The following SLC26A4 variants were observed in gnomAD, a reference collection of about 807,000 sequenced individuals.
SLC26A4 encodes pendrin.
SLC26A4 carries 93 observed loss-of-function variants against 90.4 expected under a neutral mutation model. That is an observed-to-expected ratio of 1.03 (90% confidence interval 0.87 to 1.22). The LOEUF (loss-of-function observed/expected upper bound fraction) is 1.22. Among genes scored for constraint, SLC26A4 ranks in the 50% most tolerant of loss-of-function variants. The pLI, the probability that SLC26A4 is intolerant of heterozygous loss-of-function variation, is 0.00. For missense variants in SLC26A4, 1,127 were observed against 946.2 expected (o/e 1.19, Z -2.51); for synonymous variants, 393 against 354.6 (o/e 1.11, Z -1.22).
At chr7:107,662,568 T>C (rs1790590866) in intron 2 of SLC26A4, among the ~76,000 whole-genome samples, 1 of 151,964 alleles carries the variant, frequency 6.6e-6, no homozygotes, top group Middle Eastern at 3.2e-3. Context: ...TAAGCAAATC[T>C]CATATAGCAT....
At chr7:107,694,504 C>A in intron 11 of SLC26A4, 24 bp downstream of exon 11, 3 of 1,584,894 alleles carry the variant, frequency 1.9e-6, no homozygotes, top group South Asian at 2.2e-5. Context: ...TCTCTGCATA[C>A]CGATTGCATA....
rs1249883378 is a variant in SLC26A4, at chr7:107,701,170, A to G, written c.1777A>G (p.Lys593Glu). The part of the protein sequence containing the change: ...KALRKIQKLI[K>E]SGQLRATKNG... ...GCTGAGGAAAATACAGAAACTAATA[A>G]AAAGTGGACAATTAAGAGCAACAAA... is the stretch of plus-strand genomic sequence containing the variant. The change falls in exon 16 of 21, where the codon AAA (lysine) becomes GAA (glutamate). Residue 593 changes from lysine to glutamate, a missense_variant. By Grantham distance (56) the Lys-to-Glu change is moderately conservative (BLOSUM62 1). Transcript: ENST00000644269. 6.2e-7 allele frequency: 1 copy of G among 1,606,862 alleles called. No homozygotes were observed. The highest frequency in any genetic ancestry group is 1.7e-5 in the Admixed American group (1 of 59,996).
chr7:107,687,681 G>A (rs1236157854), intron 8 of SLC26A4, among the ~76,000 whole-genome samples: 1 of 152,158 alleles, frequency 6.6e-6, no homozygotes, highest in African/African-American at 2.4e-5. Flanking sequence ...GGAGAACTAG[G>A]CAGCCAGGCA....
In SLC26A4 at chr7:107,661,271, C is replaced by T; in HGVS notation, c.-3-368C>T. On this transcript the variant is annotated intron_variant, in intron 1 of 20. Transcript: ENST00000644269. This position sits in a 1 kb window ranked among gnomAD's most constrained non-coding sequence, Gnocchi z 5.1. ...CTTGCAAGCGCCTTTGGCCCCTGCCCCAGCCCCTCGGTTTGGGGGAGATTT... is the reference window on the plus strand; with the variant it reads ...CTTGCAAGCGCCTTTGGCCCCTGCCTCAGCCCCTCGGTTTGGGGGAGATTT... 1 of 344,718 alleles carries T rather than the reference C, an allele frequency of 2.9e-6. No homozygotes were observed. The highest frequency in any genetic ancestry group is 5.4e-6 in the Non-Finnish European group (1 of 184,920). The allele number at this position is 344,718 out of a possible 1,614,324, so 21.4% of individuals were successfully genotyped here. A position where few individuals can be genotyped will look rare whatever the true frequency, so the allele number is the denominator to read the frequency against.
intron 6 of SLC26A4, among the ~76,000 whole-genome samples, chr7:107,675,577 T>TC (rs1251943473): frequency 1.3e-3 from 146 of 108,348 alleles, no homozygotes; most frequent in East Asian, 5.9e-3. Flanking sequence ...TTTCTTTCTT[T>TC]TTTTTTTTTT....
chr7:107,689,329 T>C (rs1791506473), intron 9 of SLC26A4, 129 bp downstream of exon 9: 2 of 923,262 alleles, frequency 2.2e-6, no homozygotes, highest in Non-Finnish European at 3.5e-6. Context: ...GGGTTGGTTT[T>C]CCTCTTGTGT....
At chr7:107,680,356 T>C (rs1244764669) in intron 6 of SLC26A4, among the ~76,000 whole-genome samples, 1 of 142,164 alleles carries the variant, frequency 7.0e-6, no homozygotes, top group Admixed American at 7.2e-5. Context: ...TATATTATTA[T>C]ATAATCTTAT....
Position 107,683,537 on chromosome 7 carries a change from G to T in SLC26A4, c.1001G>T (p.Gly334Val), listed in dbSNP as rs146281367. Residue 334 changes from glycine (G) to valine (V), a missense_variant and splice_region_variant, in exon 8 of 21, where the codon GGG (glycine) becomes GTG (valine). Physicochemically the swap from Gly to Val is moderately radical, Grantham distance 109. Transcript: ENST00000644269. ...GGCATTGTTAAATCCATCCCAAGGG[G>T]GTGAGTGTGGTGTTCCTCTTAGTAC... ...NAGIVKSIPRGFLPPELPPVS... is the reference protein window; with the variant it reads ...NAGIVKSIPRVFLPPELPPVS... 18 of 1,612,602 alleles carry T rather than the reference G, an allele frequency of 1.1e-5. No homozygotes were observed. Among genetic ancestry groups the T allele is most frequent in the Middle Eastern group, 1.7e-4 (1 of 6,052 alleles).
intron 15 of SLC26A4, among the ~76,000 whole-genome samples, chr7:107,700,462 C>G (rs1186001531): frequency 6.6e-6 from 1 of 152,072 alleles, no homozygotes; most frequent in Non-Finnish European, 1.5e-5. Flanking sequence ...GTAGTATAGA[C>G]AGTTGAGAGT....
intron 10 of SLC26A4, among the ~76,000 whole-genome samples, chr7:107,691,162 G>T (rs576415060): frequency 1.6e-5 from 2 of 123,048 alleles, no homozygotes; most frequent in Non-Finnish European, 1.8e-5. Flanking sequence ...CACATGCACA[G>T]TCTTCACAGT....
intron 10 of SLC26A4, among the ~76,000 whole-genome samples, chr7:107,690,537 C>T (rs758228927): frequency 1.9e-4 from 29 of 152,252 alleles, no homozygotes; most frequent in Middle Eastern, 3.4e-3. Flanking sequence ...ATGAAGGATG[C>T]TGATTTTTGT....
At chr7:107,687,869 C>T (rs974115495) in intron 8 of SLC26A4, among the ~76,000 whole-genome samples, 6 of 152,132 alleles carry the variant, frequency 3.9e-5, no homozygotes, top group Non-Finnish European at 5.9e-5. Flanking sequence ...CATGCTGAGT[C>T]GCCCAACTGT....
At chr7:107,713,005 C>T (rs996723722) in intron 20 of SLC26A4, among the ~76,000 whole-genome samples, 2 of 152,112 alleles carry the variant, frequency 1.3e-5, no homozygotes, top group African/African-American at 4.8e-5. Context: ...GAACAGAAAC[C>T]CTATGACCTT....
At chr7:107,680,282 AATCTT>A (rs1362916833) in intron 6 of SLC26A4, among the ~76,000 whole-genome samples, 8 of 102,298 alleles carry the variant, frequency 7.8e-5, no homozygotes, top group African/African-American at 1.6e-4. Flanking sequence ...TATATAATAT[AATCTT>A]ATCTTATTAT....
chr7:107,694,882 G>A (rs959720117), intron 12 of SLC26A4, among the ~76,000 whole-genome samples, 166 bp downstream of exon 12: 1 of 152,154 alleles, frequency 6.6e-6, no homozygotes, highest in African/African-American at 2.4e-5. Flanking sequence ...AGTCTTCCAT[G>A]TGAACTGCAT....
At chr7:107,694,016 G>A (rs919640280) in intron 10 of SLC26A4, among the ~76,000 whole-genome samples, 2 of 152,134 alleles carry the variant, frequency 1.3e-5, no homozygotes, top group East Asian at 1.9e-4. Flanking sequence ...CCAAGAATAC[G>A]ACAATGATCT....
intron 15 of SLC26A4, among the ~76,000 whole-genome samples, chr7:107,700,629 A>G (rs1584335993): frequency 1.3e-5 from 2 of 152,328 alleles, no homozygotes; most frequent in East Asian, 3.9e-4. Flanking sequence ...AGCAAAAAGT[A>G]AAATATACTA....
chr7:107,705,486 C>T (rs1337598124), intron 18 of SLC26A4, among the ~76,000 whole-genome samples: 1 of 152,180 alleles, frequency 6.6e-6, no homozygotes, highest in African/African-American at 2.4e-5. Flanking sequence ...ATCAAACCAA[C>T]TAAAATTGAA....
intron 10 of SLC26A4, 119 bp from the exon 11 acceptor site, chr7:107,694,284 G>A: frequency 1.3e-6 from 1 of 770,954 alleles, no homozygotes; most frequent in South Asian, 1.5e-5. Flanking sequence ...GAGCAGAAGG[G>A]GGAGACAGGG....
Sources: gnomAD v4.1 joint callset for allele counts (sites outside exome capture counted in the v4.1 genomes callset) on GRCh38, gnomAD v4.1.1 for gene constraint, Gnocchi (gnomAD v3.1) non-coding constraint, MANE v1.5 for transcripts, NCBI Gene and HGNC (gene_info 2026-07-23, HGNC 2026-07-21) for gene names.